Variants in TMEM163 observed in about 807,000 individuals in gnomAD.
TMEM163 encodes transmembrane protein 163.
TMEM163 carries 17 observed loss-of-function variants against 29.3 expected under a neutral mutation model. The ratio of observed to expected loss-of-function variants is 0.58; its 90% CI spans 0.40 to 0.87. The LOEUF is 0.87. Ranked by LOEUF, TMEM163 falls within the 40% of genes least tolerant of loss-of-function variation. TMEM163 has a pLI of 0.00. For missense variants in TMEM163, 303 were observed against 381.5 expected, an observed-to-expected ratio of 0.79 and a Z score of 1.71; for synonymous variants, 157 against 160.6, an observed-to-expected ratio of 0.98 and a Z score of 0.17.
At chr2:134,705,504 C>G (rs1419735410) in intron 2 of TMEM163, among the ~76,000 whole-genome samples, 2 of 152,122 alleles carry the variant, frequency 1.3e-5, no homozygotes, top group Non-Finnish European at 2.9e-5. Context: ...CCCACATTCG[C>G]CAATGGGAAG....
At chr2:134,489,607 T>G (rs923753936) in intron 5 of TMEM163, among the ~76,000 whole-genome samples, 4 of 151,488 alleles carry the variant, frequency 2.6e-5, no homozygotes, top group African/African-American at 9.7e-5. Context: ...GTGTGTTATG[T>G]GCAATATCCA....
At position 134,713,432 on chromosome 2, in the gene TMEM163, G is replaced by A. The variant is rs563406741; in HGVS notation, c.203-113C>T. On this transcript the variant is annotated intron_variant, in intron 1 of 7. Coordinates refer to ENST00000281924, the MANE Select transcript of TMEM163 (RefSeq NM_030923.5). The stretch of plus-strand genomic sequence containing the variant: ...AAACTAACAGCCCGTGGGCCAAGAC[G>A]TGTTTTGTTTGGCCCACACTGTGTT... The A allele has an allele frequency of 8.1e-5, 120 of 1,474,544 alleles. 2 individuals are homozygous for A. In the Middle Eastern group the frequency reaches 1.7e-3, roughly 21 times the overall value. 91.3% of individuals were successfully genotyped at this position (1,474,544 alleles called of 1,614,324 possible).
chr2:134,466,176 A>G lies in TMEM163; in HGVS notation c.605T>C (p.Ile202Thr). ...CAGCATGAACTTCAACACGGCCAGG[A>G]TGCTGCAAAGAATCCCACTTAAAAT... Reference protein sequence around the residue: ...VSILSGILCSILAVLKFMLGK... With the variant: ...VSILSGILCSTLAVLKFMLGK... The change falls in exon 6 of 8, where the codon ATC becomes ACC. Residue 202 changes from isoleucine (I) to threonine (T), a missense_variant. Ile to Thr is a moderately conservative substitution (Grantham distance 89). Around this residue, in one of 2 missense-constraint regions of TMEM163, gnomAD observed 203 missense variants for 294.3 expected, o/e 0.69. Coordinates refer to ENST00000281924, the MANE Select transcript of TMEM163 (RefSeq NM_030923.5). 5.0e-6 allele frequency: 8 copies of G among 1,614,092 alleles called. No individual in the cohort carries two copies. The highest frequency in any genetic ancestry group is 6.8e-6 in the Non-Finnish European group (8 of 1,180,008).
At chr2:134,523,116 G>A (rs1488924135) in intron 4 of TMEM163, among the ~76,000 whole-genome samples, 2 of 152,182 alleles carry the variant, frequency 1.3e-5, no homozygotes, top group Non-Finnish European at 2.9e-5. Flanking sequence ...AGACTGAAAC[G>A]TGTGTACACA....
intron 2 of TMEM163, among the ~76,000 whole-genome samples, chr2:134,680,047 C>G (rs1174299017): frequency 6.6e-6 from 1 of 152,206 alleles, no homozygotes; most frequent in Non-Finnish European, 1.5e-5. Context: ...TACAGGCAAC[C>G]TGAGTTTCCA....
At chr2:134,603,970 AT>A (rs1477935688) in intron 2 of TMEM163, among the ~76,000 whole-genome samples, 1 of 151,996 alleles carries the variant, frequency 6.6e-6, no homozygotes, top group Non-Finnish European at 1.5e-5. Flanking sequence ...TGGACAGTCT[AT>A]CCCACTCTGC....
rs115242852 is a variant in TMEM163 at position 134,667,051 on chromosome 2, G to A, written c.322+46149C>T. Among the ~76,000 whole-genome samples the A allele has an allele frequency of 4.2e-3, 635 of 152,258 alleles. 10 individuals carry two copies. Among genetic ancestry groups the A allele is most frequent in the African/African-American group, 0.014 (596 of 41,544 alleles). On this transcript the variant is annotated intron_variant, in intron 2 of 7. Transcript: ENST00000281924. ...TACTCATCACTCATGATTACCCCTT[G>A]TGCATCCCAGCATGAGTGTGACCTA...
intron 2 of TMEM163, among the ~76,000 whole-genome samples, chr2:134,646,880 A>T (rs1683347762): frequency 6.6e-6 from 1 of 152,242 alleles, no homozygotes; most frequent in South Asian, 2.1e-4. Flanking sequence ...CATATTCATA[A>T]ACTATTCATC....
intron 2 of TMEM163, among the ~76,000 whole-genome samples, chr2:134,559,870 G>A (rs763783204): frequency 6.6e-6 from 1 of 152,122 alleles, no homozygotes; most frequent in South Asian, 2.1e-4. Flanking sequence ...AGGAAGCAGC[G>A]ACTGTCATTC....
intron 2 of TMEM163, among the ~76,000 whole-genome samples, chr2:134,627,662 GA>G (rs1261958635): frequency 2.6e-5 from 4 of 152,284 alleles, no homozygotes; most frequent in Non-Finnish European, 5.9e-5. Context: ...AAGAAAAAAA[GA>G]TGTATGGATA....
chr2:134,573,065 G>A (rs1681469647), intron 2 of TMEM163, among the ~76,000 whole-genome samples: 2 of 152,176 alleles, frequency 1.3e-5, no homozygotes, highest in South Asian at 2.1e-4. Flanking sequence ...TGAGCAATCT[G>A]TGATTCTTTC....
intron 4 of TMEM163, among the ~76,000 whole-genome samples, chr2:134,535,191 G>A (rs545274281): frequency 1.3e-5 from 2 of 152,286 alleles, no homozygotes; most frequent in Admixed American, 1.3e-4. Context: ...TTTAAAAGCA[G>A]GCAAGATTCA....
intron 5 of TMEM163, among the ~76,000 whole-genome samples, chr2:134,501,010 G>C (rs1679685264): frequency 6.6e-6 from 1 of 152,084 alleles, no homozygotes; most frequent in African/African-American, 2.4e-5. Flanking sequence ...TCCCAACACA[G>C]AAATAATAAA....
chr2:134,537,374 G>C (rs1261792988), intron 4 of TMEM163, among the ~76,000 whole-genome samples: 3 of 152,182 alleles, frequency 2.0e-5, no homozygotes, highest in Non-Finnish European at 2.9e-5. Context: ...AGCACGGTCA[G>C]ATTCTGGTGA....
At chr2:134,594,801 T>A (rs1682024968) in intron 2 of TMEM163, among the ~76,000 whole-genome samples, 1 of 152,058 alleles carries the variant, frequency 6.6e-6, no homozygotes, top group Non-Finnish European at 1.5e-5. Flanking sequence ...ATCTGCAGAA[T>A]ATAAACTTCA....
At chr2:134,494,935 G>A (rs1679514573) in intron 5 of TMEM163, among the ~76,000 whole-genome samples, 1 of 152,148 alleles carries the variant, frequency 6.6e-6, no homozygotes, top group African/African-American at 2.4e-5. Flanking sequence ...CTGACTGCAT[G>A]GGCAGCAATC....
intron 2 of TMEM163, 113 bp from the exon 3 acceptor site, chr2:134,552,204 A>C (rs1465611200): frequency 1.3e-6 from 1 of 772,390 alleles, no homozygotes; most frequent in East Asian, 2.9e-5. Context: ...AAGAGAACAA[A>C]ACCAAAAATT....
intron 2 of TMEM163, among the ~76,000 whole-genome samples, chr2:134,628,857 G>C (rs1366168704): frequency 6.6e-6 from 1 of 152,126 alleles, no homozygotes; most frequent in African/African-American, 2.4e-5. Flanking sequence ...CAAGCCTGAG[G>C]GTAGCCTTGG....
In TMEM163 at chr2:134,490,402, G is replaced by T. The variant is rs1396636456; in HGVS notation, c.555+12499C>A. ...CAACACTACAGATACTCAAGGAGCA[G>T]GTCCAGGGGTCCCTCCTGAACACAA... On this transcript the variant is annotated intron_variant, in intron 5 of 7. Transcript: ENST00000281924. 5.3e-5 allele frequency among the ~76,000 whole-genome samples: 8 copies of T among 152,230 alleles called. 1 individual carries two copies. The highest frequency in any genetic ancestry group is 1.9e-4 in the African/African-American group (8 of 41,540).
Sources: gnomAD v4.1 joint callset for allele counts (sites outside exome capture counted in the v4.1 genomes callset) on GRCh38, gnomAD v4.1.1 for gene constraint, gnomAD v4.1.1 regional missense constraint, MANE v1.5 for transcripts, NCBI Gene and HGNC (gene_info 2026-07-23, HGNC 2026-07-21) for gene names.